Variants in ASIC2 observed in about 807,000 individuals in gnomAD.
The protein encoded by ASIC2 is acid sensing ion channel subunit 2, also known as acid-sensing ion channel 2.
A neutral mutation model predicts 57.3 loss-of-function variants in ASIC2; 25 were observed. That is an observed-to-expected ratio of 0.44 (90% confidence interval 0.32 to 0.61). The LOEUF (loss-of-function observed/expected upper bound fraction) is 0.61. Ranked by LOEUF, ASIC2 falls within the 20% of genes least tolerant of loss-of-function variation. ASIC2 has a pLI of 0.06. For synonymous variants in ASIC2, 319 were observed against 307.5 expected (o/e 1.04, Z -0.39); for missense variants, 641 against 738.1 (o/e 0.87, Z 1.52).
At chr17:33,128,058 T>C (rs2092330975) in intron 1 of ASIC2, among the ~76,000 whole-genome samples, 1 of 152,194 alleles carries the variant, frequency 6.6e-6, no homozygotes, top group South Asian at 2.1e-4. Context: ...TCAGAACATG[T>C]CCCTGCCTTC....
intron 3 of ASIC2, among the ~76,000 whole-genome samples, chr17:33,043,892 T>C (rs2091939511): frequency 6.6e-6 from 1 of 152,200 alleles, no homozygotes; most frequent in Non-Finnish European, 1.5e-5. Context: ...GAAGTTGCAG[T>C]AGTAGCTGAT....
chr17:33,302,191 G>A (rs927412879), intron 1 of ASIC2, among the ~76,000 whole-genome samples: 2 of 152,152 alleles, frequency 1.3e-5, no homozygotes, highest in South Asian at 2.1e-4. Context: ...GAGAAATGGA[G>A]TCTTTCTTGC....
chr17:33,782,583 G>T (rs992853863), intron 1 of ASIC2, among the ~76,000 whole-genome samples: 3 of 152,036 alleles, frequency 2.0e-5, no homozygotes, highest in African/African-American at 7.2e-5. Context: ...CAAAAAATTA[G>T]CTGGGCTTGG....
chr17:34,109,045 TTTTA>T (rs200767177), intron 1 of ASIC2, among the ~76,000 whole-genome samples: 287 of 10,778 alleles, frequency 0.027, 2 homozygotes, highest in African/African-American at 0.13. Flanking sequence ...TTTTATTTTA[TTTTA>T]TTTTTATTTT....
chr17:33,913,314 A>G (rs1387165685), intron 1 of ASIC2, among the ~76,000 whole-genome samples: 2 of 152,120 alleles, frequency 1.3e-5, no homozygotes, highest in African/African-American at 4.8e-5. Flanking sequence ...GCAACTGTAA[A>G]CATTTTTTTT....
chr17:33,491,544 G>A (rs902743970), intron 1 of ASIC2, among the ~76,000 whole-genome samples: 1 of 152,202 alleles, frequency 6.6e-6, no homozygotes, highest in Non-Finnish European at 1.5e-5. Context: ...AACACTGCAT[G>A]CCAGTGAGTT....
chr17:33,976,356 AG>A (rs1415251157), intron 1 of ASIC2, among the ~76,000 whole-genome samples: 1 of 152,044 alleles, frequency 6.6e-6, no homozygotes, highest in Non-Finnish European at 1.5e-5. Context: ...CTGTACACTC[AG>A]GGACTTGTGT....
intron 3 of ASIC2, among the ~76,000 whole-genome samples, chr17:33,070,464 A>G (rs1281367736): frequency 6.6e-6 from 1 of 151,646 alleles, no homozygotes; most frequent in East Asian, 1.9e-4. Context: ...TAGCCTCCCG[A>G]GTAGCTGGGA....
At chr17:33,062,140 G>T (rs532853436) in intron 3 of ASIC2, among the ~76,000 whole-genome samples, 2 of 152,242 alleles carry the variant, frequency 1.3e-5, no homozygotes, top group South Asian at 4.2e-4. Flanking sequence ...TTTTTGAAGG[G>T]TTTTTTGTGT....
Position 34,138,548 on chromosome 17 carries a change from A to G in ASIC2, c.555+17430T>C, listed in dbSNP as rs117644934. On this transcript the variant is annotated intron_variant, in intron 1 of 9. Transcript: ENST00000359872. The stretch of plus-strand genomic sequence containing the variant: ...AATGATTAGGATCCTTACACTGGAC[A>G]CTTTCTGAGCTGCCTTATGCCACAT... Among the ~76,000 whole-genome samples the G allele has an allele frequency of 4.6e-5, 7 of 152,312 alleles. No homozygotes were observed. In the East Asian group the frequency reaches 1.3e-3, roughly 29 times the overall value.
At chr17:33,134,589 A>C (rs2092360367) in intron 1 of ASIC2, among the ~76,000 whole-genome samples, 1 of 152,262 alleles carries the variant, frequency 6.6e-6, no homozygotes. Flanking sequence ...AAAACAAGAA[A>C]GTTTCCCAGC....
At chr17:34,004,569 AC>A (rs1400512292) in intron 1 of ASIC2, 1 of 152,218 alleles carries the variant, frequency 6.6e-6, no homozygotes, top group African/African-American at 2.4e-5. Flanking sequence ...GAGAGACCTG[AC>A]TTTGAATGCA....
At chr17:33,931,865 C>T (rs541020505) in intron 1 of ASIC2, among the ~76,000 whole-genome samples, 3 of 152,172 alleles carry the variant, frequency 2.0e-5, no homozygotes, top group African/African-American at 4.8e-5. Flanking sequence ...GAGCGCTGTT[C>T]GGCCGTTCTC....
chr17:34,099,208 GAA>G (rs1319407028), intron 1 of ASIC2, among the ~76,000 whole-genome samples: 1 of 103,440 alleles, frequency 9.7e-6, no homozygotes, highest in African/African-American at 4.2e-5. Context: ...AAGAAAGAAA[GAA>G]AGGAAAGAAA....
chr17:33,128,071 T>A (rs1198878975), intron 1 of ASIC2, among the ~76,000 whole-genome samples: 1 of 152,230 alleles, frequency 6.6e-6, no homozygotes. Context: ...CTGCCTTCAT[T>A]GAGTTAACTC....
At position 34,020,232 on chromosome 17, in the gene ASIC2, G is replaced by C. The variant is rs1225773306; in HGVS notation, c.555+135746C>G. 3.9e-5 allele frequency among the ~76,000 whole-genome samples: 6 copies of C among 152,234 alleles called. No homozygotes were observed. The East Asian group carries it at 1.2e-3, about 29-fold the overall frequency. On this transcript the variant is annotated intron_variant, in intron 1 of 9. Coordinates refer to the ASIC2 transcript ENST00000359872. The stretch of plus-strand genomic sequence containing the variant: ...TTTTCCAGTATCTGGTGGTCCCTGG[G>C]CCATAGTAGACCTGGCTCAATAAAT...
chr17:33,449,738 A>T (rs1010554648), intron 1 of ASIC2, among the ~76,000 whole-genome samples: 1 of 151,968 alleles, frequency 6.6e-6, no homozygotes, highest in African/African-American at 2.4e-5. Context: ...TTCCAAAGCT[A>T]CACAAAGGAT....
intron 2 of ASIC2, among the ~76,000 whole-genome samples, chr17:33,103,085 A>T (rs573379357): frequency 6.6e-6 from 1 of 152,308 alleles, no homozygotes; most frequent in Non-Finnish European, 1.5e-5. Flanking sequence ...ACCCGGCCAC[A>T]TATTTTAAGT....
rs1023246064 is a variant in ASIC2 at position 34,099,778 on chromosome 17, G to C, written c.555+56200C>G. Among the ~76,000 whole-genome samples, 3 of 39,990 alleles carry C rather than the reference G, an allele frequency of 7.5e-5. No homozygotes were observed. The South Asian group carries it at 3.0e-3, about 40-fold the overall frequency. The allele number at this position is 39,990 out of a possible 152,430, so 26.2% of individuals were successfully genotyped here. A position where few individuals can be genotyped will look rare whatever the true frequency, so the allele number is the denominator to read the frequency against. ...AGAAAGAAAGAAAGAAAGAAAGAAA[G>C]AAAGAAAGAAAGAAAGAAAGAAAGA... On this transcript the variant is annotated intron_variant, in intron 1 of 9. Coordinates refer to the ASIC2 transcript ENST00000359872.
Sources: gnomAD v4.1 joint callset for allele counts (sites outside exome capture counted in the v4.1 genomes callset) on GRCh38, gnomAD v4.1.1 for gene constraint, MANE v1.5 for transcripts, NCBI Gene and HGNC (gene_info 2026-07-23, HGNC 2026-07-21) for gene names.